The following PRKCD variants were observed in gnomAD, a reference collection of about 807,000 sequenced individuals.
PRKCD encodes protein kinase C delta.
A neutral mutation model predicts 82.2 loss-of-function variants in PRKCD; 20 were observed. The observed-to-expected ratio is 0.24, with a 90% CI of 0.17 to 0.35. PRKCD has a LOEUF of 0.35. Ranked by LOEUF, PRKCD falls within the 10% of genes least tolerant of loss-of-function variation. The probability of loss-of-function intolerance (pLI) is 1.00; values close to 1 mark genes in which losing one functional copy is unlikely to be tolerated. For synonymous variants in PRKCD, 317 were observed against 337.0 expected, an observed-to-expected ratio of 0.94 and a Z score of 0.65; for missense variants, 607 against 899.0, an observed-to-expected ratio of 0.68 and a Z score of 4.15.
chr3:53,183,016 C>G, intron 7 of PRKCD, 105 bp from the exon 8 acceptor site: 1 of 1,146,638 alleles, frequency 8.7e-7, no homozygotes, highest in East Asian at 2.5e-5. Context: ...GTCAGGAGAA[C>G]GGTGGCTTTG....
chr3:53,162,511 G>A (rs1294350391), intron 1 of PRKCD, among the ~76,000 whole-genome samples: 4 of 152,234 alleles, frequency 2.6e-5, no homozygotes, highest in Non-Finnish European at 5.9e-5. Flanking sequence ...GTGTGGGTAT[G>A]TTGTGTGTCT....
intron 2 of PRKCD, among the ~76,000 whole-genome samples, chr3:53,174,719 G>A (rs1553665566): frequency 6.6e-6 from 1 of 152,186 alleles, no homozygotes; most frequent in Non-Finnish European, 1.5e-5. Flanking sequence ...GGCAGAACCT[G>A]GCCAGAGCCC....
intron 1 of PRKCD, among the ~76,000 whole-genome samples, chr3:53,163,911 AC>A (rs1702752975): frequency 6.6e-6 from 1 of 152,106 alleles, no homozygotes; most frequent in African/African-American, 2.4e-5. Flanking sequence ...GATGGGGGAG[AC>A]AGGGGTGGGG....
chr3:53,183,277 C>A (rs549428699), intron 8 of PRKCD, 71 bp downstream of exon 8: 1 of 1,578,372 alleles, frequency 6.3e-7, no homozygotes, highest in Admixed American at 1.7e-5. Flanking sequence ...TGCACCCTCT[C>A]CCCACCCTCC....
Position 53,190,056 on chromosome 3 carries a change from C to G in PRKCD, c.1872+55C>G, listed in dbSNP as rs1197080704. 6.8e-6 allele frequency: 11 copies of G among 1,606,178 alleles called. No homozygotes were observed. In the African/African-American group the frequency reaches 1.1e-4, roughly 16 times the overall value. ...GGCTGAGCTACTCCTCTCCTGCCCT[C>G]CCTCTCTCCTGCATCATTCACACGC... On this transcript the variant is annotated intron_variant, in intron 18 of 18. Coordinates refer to ENST00000330452, the MANE Select transcript of PRKCD (RefSeq NM_006254.4).
At chr3:53,182,532 G>T (rs1269164413) in intron 7 of PRKCD, among the ~76,000 whole-genome samples, 1 of 152,156 alleles carries the variant, frequency 6.6e-6, no homozygotes, top group Non-Finnish European at 1.5e-5. Context: ...GCCTCCCAAA[G>T]TGCTGGGATT....
At chr3:53,166,577 C>T (rs1344714526) in intron 2 of PRKCD, among the ~76,000 whole-genome samples, 6 of 152,374 alleles carry the variant, frequency 3.9e-5, no homozygotes, top group African/African-American at 1.2e-4. Context: ...CCATGGCACA[C>T]TCACACACAC....
At chr3:53,187,253 C>A in intron 14 of PRKCD, 87 bp from the exon 15 acceptor site, 1 of 1,411,294 alleles carries the variant, frequency 7.1e-7, no homozygotes, top group Non-Finnish European at 1.0e-6. Context: ...GCATTTCTTG[C>A]TCCTGGAAGT....
At position 53,192,299 on chromosome 3, in the gene PRKCD, C is replaced by A; in HGVS notation, c.*33C>A. The A allele has an allele frequency of 1.2e-6, 2 of 1,608,160 alleles. No individual in the cohort carries two copies. Among genetic ancestry groups the A allele is most frequent in the Non-Finnish European group, 8.5e-7 (1 of 1,175,062 alleles). ...GGACAGATCAGGCTAGCCCTGCCCT[C>A]CACCCACACCTGCCCGCTCCCCACG... On this transcript the variant is annotated 3_prime_UTR_variant, in exon 19 of 19. Coordinates refer to ENST00000330452, the MANE Select transcript of PRKCD (RefSeq NM_006254.4).
At chr3:53,181,091 G>C in intron 4 of PRKCD, 116 bp from the exon 5 acceptor site, 2 of 1,119,424 alleles carry the variant, frequency 1.8e-6, no homozygotes, top group Middle Eastern at 2.4e-4. Context: ...GTCTGGCTAG[G>C]CCTTGGGGGG....
chr3:53,189,746 A>T, intron 17 of PRKCD, 127 bp from the exon 18 acceptor site: 1 of 1,365,656 alleles, frequency 7.3e-7, no homozygotes, highest in Non-Finnish European at 1.0e-6. Flanking sequence ...CCTCAGCCCC[A>T]CCGTTCCCCA....
intron 18 of PRKCD, 37 bp downstream of exon 18, chr3:53,190,038 C>T: frequency 6.2e-7 from 1 of 1,612,196 alleles, no homozygotes. Flanking sequence ...TCAGGCTGAG[C>T]TACTCCTCTC....
chr3:53,188,151 G>A (rs1553669741), intron 15 of PRKCD, among the ~76,000 whole-genome samples: 2 of 117,146 alleles, frequency 1.7e-5, no homozygotes, highest in Non-Finnish European at 3.3e-5. Context: ...TCATGCCACT[G>A]CACTCCAGCC....
intron 4 of PRKCD, 49 bp from the exon 5 acceptor site, chr3:53,181,158 A>C: frequency 6.3e-7 from 1 of 1,596,424 alleles, no homozygotes; most frequent in Non-Finnish European, 8.5e-7. Flanking sequence ...GGCCTGGCCC[A>C]GGCTGCCCTC....
intron 14 of PRKCD, among the ~76,000 whole-genome samples, chr3:53,186,993 C>T (rs1435795728): frequency 6.6e-6 from 1 of 152,234 alleles, no homozygotes; most frequent in Non-Finnish European, 1.5e-5. Context: ...GACACAGGAC[C>T]CTGGTGCGTG....
At chr3:53,170,823 G>A (rs1702996526) in intron 2 of PRKCD, among the ~76,000 whole-genome samples, 2 of 152,202 alleles carry the variant, frequency 1.3e-5, no homozygotes, top group Non-Finnish European at 2.9e-5. Context: ...GTGCCAGTGT[G>A]TACATCACAG....
chr3:53,181,687 G>T lies in PRKCD; in HGVS notation c.540-14G>T. The T allele has an allele frequency of 6.2e-7, 1 of 1,612,584 alleles. No homozygotes were observed. The highest frequency in any genetic ancestry group is 1.3e-5 in the African/African-American group (1 of 75,044). On this transcript the variant is annotated splice_polypyrimidine_tract_variant and intron_variant, in intron 6 of 18. Coordinates refer to ENST00000330452, the MANE Select transcript of PRKCD (RefSeq NM_006254.4). ...GTCCCCGCTCACTCACTTTGCCTGG[G>T]TTTTGCCTTTCAGGGGCCTCAACAA...
rs782457787 is a variant in PRKCD, at chr3:53,181,434, TG to T, written c.377-8del. On this transcript the variant is annotated splice_polypyrimidine_tract_variant and intron_variant, in intron 5 of 18. Transcript: ENST00000330452. ...TACCAGGGCTGACTTCCCTACTCCATGGTCACCAGATTGCAAACAGTCTATG... is the reference window on the plus strand; with the variant it reads ...TACCAGGGCTGACTTCCCTACTCCATGTCACCAGATTGCAAACAGTCTATG... 2 of 1,614,124 alleles carry T rather than the reference TG, an allele frequency of 1.2e-6. No individual in the cohort carries two copies. The highest frequency in any genetic ancestry group is 3.3e-5 in the Admixed American group (2 of 60,004).
At chr3:53,179,445 G>T (rs1211942478) in intron 3 of PRKCD, 132 bp from the exon 4 acceptor site, 4 of 1,173,796 alleles carry the variant, frequency 3.4e-6, no homozygotes, top group Non-Finnish European at 5.1e-6. Flanking sequence ...TGCTCTAGAG[G>T]ACACTGGGGA....
Sources: gnomAD v4.1 joint callset for allele counts (sites outside exome capture counted in the v4.1 genomes callset) on GRCh38, gnomAD v4.1.1 for gene constraint, MANE v1.5 for transcripts, NCBI Gene and HGNC (gene_info 2026-07-23, HGNC 2026-07-21) for gene names.